The following NUMA1 variants were observed in gnomAD, a reference collection of about 807,000 sequenced individuals.
The protein encoded by NUMA1 is nuclear mitotic apparatus protein 1, also known as SP-H antigen.
NUMA1 carries 62 observed loss-of-function variants against 237.1 expected under a neutral mutation model. The observed-to-expected ratio is 0.26, with a 90% CI of 0.21 to 0.32. The LOEUF is 0.32. Ranked by LOEUF, NUMA1 falls within the 10% of genes least tolerant of loss-of-function variation. The pLI, the probability that NUMA1 is intolerant of heterozygous loss-of-function variation, is 1.00. For synonymous variants in NUMA1, 1,028 were observed against 1,066.1 expected, an observed-to-expected ratio of 0.96 and a Z score of 0.70; for missense variants, 2,533 against 2,666.5, an observed-to-expected ratio of 0.95 and a Z score of 1.10.
chr11:72,013,661 G>A lies in NUMA1; in HGVS notation c.3842C>T (p.Ala1281Val). ...LLQAETASNS[A>V]RAAERSSALR... ...AGCAGAGCTGCGTTCTGCAGCTCTG[G>A]CACTGTTGCTGGCTGTCTCTGCCTG... The change falls in exon 15 of 27, where the codon GCC becomes GTC. Residue 1281 changes from alanine to valine, a missense_variant. By Grantham distance (64) the Ala-to-Val change is moderately conservative. This residue lies in a region of NUMA1 where 324 missense variants were observed against 407.6 expected (regional missense o/e 0.79). Coordinates refer to ENST00000393695, the MANE Select transcript of NUMA1 (RefSeq NM_006185.4). The surrounding 1 kb of genome is among the most constrained non-coding windows in gnomAD (Gnocchi z 6.8). 1 of 1,609,372 alleles carries A rather than the reference G, an allele frequency of 6.2e-7. No homozygotes were observed. Among genetic ancestry groups the A allele is most frequent in the South Asian group, 1.1e-5 (1 of 91,080 alleles).
At chr11:72,047,077 G>A (rs183818318) in intron 2 of NUMA1, among the ~76,000 whole-genome samples, 31 of 152,230 alleles carry the variant, frequency 2.0e-4, no homozygotes, top group South Asian at 4.1e-4. Context: ...TATTTCAAAG[G>A]GTCAGGTGAT....
At chr11:72,029,365 G>T in intron 3 of NUMA1, 75 bp from the exon 4 acceptor site, 1 of 874,380 alleles carries the variant, frequency 1.1e-6, no homozygotes, top group South Asian at 1.5e-5. Flanking sequence ...GAGGCTTAAT[G>T]TGAGTGCTTA....
chr11:72,019,627 A>G lies in NUMA1; in HGVS notation c.461-10T>C, dbSNP rs1236932677. On this transcript the variant is annotated splice_polypyrimidine_tract_variant and intron_variant, in intron 8 of 26. Transcript: ENST00000393695. ...GTAGAAGGCACAGGAGCTGGGGGTA[A>G]GAAATAGACAAAATAAATCAACAAA... The G allele has an allele frequency of 6.2e-7, 1 of 1,610,668 alleles. No homozygotes were observed. The highest frequency in any genetic ancestry group is 1.7e-5 in the Admixed American group (1 of 59,458).
At chr11:72,019,155 CTT>C (rs1938365133) in intron 9 of NUMA1, 175 bp from the exon 10 acceptor site, 1 of 683,516 alleles carries the variant, frequency 1.5e-6, no homozygotes, top group Non-Finnish European at 2.4e-6. Flanking sequence ...CTTGGGAAAA[CTT>C]TTCTTCTCAC....
At chr11:72,039,073 T>C (rs1941373405) in intron 2 of NUMA1, among the ~76,000 whole-genome samples, 1 of 152,182 alleles carries the variant, frequency 6.6e-6, no homozygotes, top group Non-Finnish European at 1.5e-5. Flanking sequence ...ACATTTACAG[T>C]AACCCCTGTT....
rs780678823 is a variant in NUMA1, at chr11:72,014,864, T to A, written c.2639A>T (p.Asn880Ile). 1 of 1,614,236 alleles carries A rather than the reference T, an allele frequency of 6.2e-7. No homozygotes were observed. Among genetic ancestry groups the A allele is most frequent in the East Asian group, 2.2e-5 (1 of 44,882 alleles). Reference protein sequence around the residue: ...QQNELAELHANLARALQQVQE... With the variant: ...QQNELAELHAILARALQQVQE... ...GACCTGCTGGAGTGCTCTGGCCAGG[T>A]TGGCATGGAGCTCAGCTAGTTCGTT... The change falls in exon 15 of 27, where the codon AAC becomes ATC. Residue 880 changes from asparagine (N) to isoleucine (I), a missense_variant. Physicochemically the swap from Asn to Ile is moderately radical, Grantham distance 149 (BLOSUM62 -3). Around this residue, in one of 3 missense-constraint regions of NUMA1, gnomAD observed 1,414 missense variants for 1,508.1 expected, o/e 0.94. Transcript: ENST00000393695. The surrounding 1 kb of genome is among the most constrained non-coding windows in gnomAD (Gnocchi z 4.6).
At chr11:72,026,261 C>T (rs1939567089) in intron 4 of NUMA1, among the ~76,000 whole-genome samples, 1 of 152,252 alleles carries the variant, frequency 6.6e-6, no homozygotes, top group African/African-American at 2.4e-5. Flanking sequence ...TCCTCCAGGT[C>T]TTCCTGCAGC....
At chr11:72,071,951 G>A (rs1943469327) in intron 1 of NUMA1, among the ~76,000 whole-genome samples, 1 of 152,070 alleles carries the variant, frequency 6.6e-6, no homozygotes, top group Non-Finnish European at 1.5e-5. Context: ...AGATATAATA[G>A]GCACTCATTA....
intron 1 of NUMA1, among the ~76,000 whole-genome samples, chr11:72,078,288 T>C (rs1161802604): frequency 6.6e-6 from 1 of 152,252 alleles, no homozygotes; most frequent in Non-Finnish European, 1.5e-5. Context: ...TTGGTATGTT[T>C]AGTGTACACT....
intron 4 of NUMA1, among the ~76,000 whole-genome samples, chr11:72,025,048 C>A (rs1939383257): frequency 6.6e-6 from 1 of 152,138 alleles, no homozygotes; most frequent in Non-Finnish European, 1.5e-5. Flanking sequence ...CAGGCATGGA[C>A]CACCACGCCC....
At chr11:72,028,065 C>T (rs1024484600) in intron 4 of NUMA1, among the ~76,000 whole-genome samples, 78 of 151,892 alleles carry the variant, frequency 5.1e-4, no homozygotes, top group African/African-American at 1.8e-3. Flanking sequence ...AGATAACCCA[C>T]GATCAACACA....
At chr11:72,049,556 T>TTATATATATATATATATATATATATA (rs1942195223) in intron 2 of NUMA1, 1 of 21,618 alleles carries the variant, frequency 4.6e-5, no homozygotes, top group African/African-American at 1.1e-4. Flanking sequence ...AAAAAAATAA[T>TTATATATATATATATATATATATATA]AATAATATAT....
Position 72,019,526 on chromosome 11 carries a change from T to C in NUMA1, c.552A>G (p.Leu184=), listed in dbSNP as rs1283933171. 2 of 1,613,800 alleles carry C rather than the reference T, an allele frequency of 1.2e-6. No homozygotes were observed. Among genetic ancestry groups the C allele is most frequent in the African/African-American group, 1.3e-5 (1 of 75,052 alleles). ...CACTGGAAGAGGAGGCAACCTTCTGTAGCTCTAGGAAGCGAATCTCCCTCT... is the reference window on the plus strand; with the variant it reads ...CACTGGAAGAGGAGGCAACCTTCTGCAGCTCTAGGAAGCGAATCTCCCTCT... ...QAKREIRFLE[L]QKVASSSSGN... The change falls in exon 9 of 27, where the codon CTA becomes CTG. Residue 184 remains leucine, a synonymous_variant. Transcript: ENST00000393695.
chr11:72,011,024 T>C (rs1334663272), intron 16 of NUMA1, among the ~76,000 whole-genome samples, 170 bp from the exon 17 acceptor site: 1 of 152,158 alleles, frequency 6.6e-6, no homozygotes, highest in African/African-American at 2.4e-5. Context: ...CCCAGGCTGC[T>C]TGGCAGGGCC....
rs868743071 is a variant in NUMA1 at position 72,030,846 on chromosome 11, C to T, written c.43-1556G>A. On this transcript the variant is annotated intron_variant, in intron 3 of 26. Transcript: ENST00000393695. ...TACATACACACTTTGGGCCCAGCTC[C>T]TCCACAAACTTGCCAGCAACCTTTG... is the stretch of plus-strand genomic sequence containing the variant. Among the ~76,000 whole-genome samples the T allele has an allele frequency of 4.1e-4, 62 of 152,304 alleles. No homozygotes were observed. In the Middle Eastern group the frequency reaches 0.024, roughly 58 times the overall value.
intron 3 of NUMA1, among the ~76,000 whole-genome samples, chr11:72,029,984 G>C (rs762123868): frequency 2.2e-4 from 33 of 151,890 alleles, no homozygotes; most frequent in African/African-American, 8.0e-4. Flanking sequence ...CACACATAAA[G>C]CTTTGGCTGA....
chr11:72,051,781 C>A (rs968213994), intron 2 of NUMA1, among the ~76,000 whole-genome samples: 13 of 152,122 alleles, frequency 8.5e-5, no homozygotes, highest in African/African-American at 2.9e-4. Context: ...AAGGGTAAAT[C>A]TTTAAACTTG....
intron 2 of NUMA1, among the ~76,000 whole-genome samples, chr11:72,063,905 A>AGAGT (rs1231878495): frequency 1.2e-4 from 18 of 150,586 alleles, no homozygotes; most frequent in Non-Finnish European, 2.5e-4. Flanking sequence ...CCTGGGCAAC[A>AGAGT]GAGTGAGATC....
intron 7 of NUMA1, among the ~76,000 whole-genome samples, chr11:72,021,889 T>C (rs550722305): frequency 4.6e-5 from 7 of 152,302 alleles, no homozygotes; most frequent in African/African-American, 1.7e-4. Context: ...GCTGGGACTA[T>C]AGGCGTGAGC....
Sources: gnomAD v4.1 joint callset for allele counts (sites outside exome capture counted in the v4.1 genomes callset) on GRCh38, gnomAD v4.1.1 for gene constraint, gnomAD v4.1.1 regional missense constraint, Gnocchi (gnomAD v3.1) non-coding constraint, MANE v1.5 for transcripts, NCBI Gene and HGNC (gene_info 2026-07-23, HGNC 2026-07-21) for gene names.